SUN5: variants seen among roughly 807,000 people sequenced by gnomAD.
SUN5 encodes SUN domain-containing protein 5.
SUN5 carries 44 observed loss-of-function variants against 53.7 expected under a neutral mutation model. The ratio of observed to expected loss-of-function variants is 0.82; its 90% confidence interval spans 0.64 to 1.05. The LOEUF (loss-of-function observed/expected upper bound fraction) is 1.05, where lower values mean the gene tolerates loss of function less well. SUN5 is among the 50% of genes least tolerant of loss of function. The pLI is 0.00. For synonymous variants in SUN5, 166 were observed against 179.8 expected (o/e 0.92, Z 0.62); for missense variants, 433 against 483.8 (o/e 0.90, Z 0.98).
At chr20:32,987,830 G>A in intron 9 of SUN5, 55 bp from the exon 10 acceptor site, 1 of 1,433,222 alleles carries the variant, frequency 7.0e-7, no homozygotes, top group Admixed American at 1.9e-5. Flanking sequence ...CTGGTGGAGG[G>A]GACGCCACTG....
chr20:32,984,534 CTG>C (rs1483391219), intron 12 of SUN5, among the ~76,000 whole-genome samples: 1 of 152,220 alleles, frequency 6.6e-6, no homozygotes, highest in East Asian at 1.9e-4. Flanking sequence ...AAGGGGAAAA[CTG>C]AGGCTCCAGA....
In SUN5 at chr20:32,999,556, C is replaced by A. The variant is rs142712295; in HGVS notation, c.340+518G>T. ...GCAGTGAGCCGAGGTTGCGCCACTG[C>A]ACTCCAGCTTGGCAACAGAGTGAGA... On this transcript the variant is annotated intron_variant, in intron 5 of 12. Transcript: ENST00000356173. Among the ~76,000 whole-genome samples the A allele has an allele frequency of 5.6e-4, 86 of 152,328 alleles. No homozygotes were observed. The East Asian group carries it at 0.016, about 29-fold the overall frequency.
In SUN5 at chr20:32,989,048, C is replaced by T. The variant is rs148878673; in HGVS notation, c.613+572G>A. ...TTACCCCATTCTCCTACCTCAGCCT[C>T]CCGAGTAGCTGGGACTACAGGCGCC... is the stretch of plus-strand genomic sequence containing the variant. On this transcript the variant is annotated intron_variant, in intron 9 of 12. Transcript: ENST00000356173. Among the ~76,000 whole-genome samples the T allele has an allele frequency of 6.6e-3, 1,000 of 152,266 alleles. 10 individuals carry two copies. Among genetic ancestry groups the T allele is most frequent in the African/African-American group, 0.021 (857 of 41,532 alleles).
intron 8 of SUN5, among the ~76,000 whole-genome samples, chr20:32,993,999 G>A (rs1781506846): frequency 2.0e-5 from 3 of 152,206 alleles, no homozygotes; most frequent in Admixed American, 6.5e-5. Context: ...GTTTGCTCCT[G>A]GCGGAGAAGG....
rs562378771 is a variant in SUN5 at position 32,987,751 on chromosome 20, G to A, written c.638C>T (p.Thr213Met). 3.3e-5 allele frequency: 54 copies of A among 1,613,156 alleles called. No homozygotes were observed. The South Asian group carries it at 3.8e-4, about 11-fold the overall frequency. ...SIGASIDFEH[T>M]SVTYNHEKAH... The stretch of plus-strand genomic sequence containing the variant: ...CTTCTCATGGTTATAGGTGACTGAC[G>A]TGTGCTCAAAGTCAATGCTGGCCCC... The change falls in exon 10 of 13, where the codon ACG (threonine) becomes ATG (methionine). Residue 213 changes from threonine to methionine, a missense_variant. By Grantham distance (81) the Thr-to-Met change is moderately conservative. Transcript: ENST00000356173.
intron 8 of SUN5, among the ~76,000 whole-genome samples, chr20:32,991,659 C>T (rs6057691): frequency 0.34 from 52,377 of 152,040 alleles, 9,711 homozygotes; most frequent in East Asian, 0.79. Flanking sequence ...TCTGTCTGAA[C>T]AGAGCTTAGA....
chr20:32,992,124 G>A (rs1344271792), intron 8 of SUN5, among the ~76,000 whole-genome samples: 2 of 152,192 alleles, frequency 1.3e-5, no homozygotes, highest in Non-Finnish European at 2.9e-5. Context: ...AGTGGCCCTG[G>A]AGACAGCAGC....
At chr20:33,003,925 C>T (rs1432413360) in intron 1 of SUN5, among the ~76,000 whole-genome samples, 4 of 143,046 alleles carry the variant, frequency 2.8e-5, no homozygotes, top group South Asian at 2.2e-4. Context: ...ATAAAGATGG[C>T]GAAATACTTG....
Position 32,989,700 on chromosome 20 carries a change from T to G in SUN5, c.535-2A>C. ...CATTATTTTCTGGGCCATTTTTTGC[T>G]GAAAAGGCAGAAAACACAAGTTGTG... On this transcript the variant is annotated splice_acceptor_variant, in intron 8 of 12. Transcript: ENST00000356173. LOFTEE classifies it high-confidence loss of function. 1.9e-6 allele frequency: 3 copies of G among 1,613,908 alleles called. No homozygotes were observed. The highest frequency in any genetic ancestry group is 2.5e-6 in the Non-Finnish European group (3 of 1,179,870).
chr20:32,987,609 C>A, intron 10 of SUN5, 51 bp downstream of exon 10: 1 of 1,500,538 alleles, frequency 6.7e-7, no homozygotes, highest in Non-Finnish European at 9.1e-7. Context: ...TCCCCAAACC[C>A]TGCCCGGACC....
intron 10 of SUN5, among the ~76,000 whole-genome samples, chr20:32,986,879 C>T (rs1300652564): frequency 1.3e-5 from 2 of 152,176 alleles, no homozygotes; most frequent in African/African-American, 4.8e-5. Context: ...CCCCTGCGTT[C>T]TATCTGCCTG....
chr20:32,986,379 A>AGCACCACGATCTCCT (rs1989539873), intron 10 of SUN5, among the ~76,000 whole-genome samples: 1 of 152,182 alleles, frequency 6.6e-6, no homozygotes, highest in African/African-American at 2.4e-5. Flanking sequence ...CTTGCCATTA[A>AGCACCACGATCTCCT]GCACCACGAT....
intron 5 of SUN5, among the ~76,000 whole-genome samples, chr20:32,998,905 C>G (rs1458521529): frequency 6.6e-6 from 1 of 151,876 alleles, no homozygotes; most frequent in Non-Finnish European, 1.5e-5. Flanking sequence ...GGTGATGGTG[C>G]ACGCTTATAG....
intron 9 of SUN5, among the ~76,000 whole-genome samples, chr20:32,988,315 C>A (rs1430233538): frequency 6.6e-6 from 1 of 152,202 alleles, no homozygotes; most frequent in Non-Finnish European, 1.5e-5. Context: ...GACCCCGCGT[C>A]TCACTGATCC....
intron 8 of SUN5, 75 bp downstream of exon 8, chr20:32,995,544 A>G: frequency 2.3e-6 from 3 of 1,279,540 alleles, no homozygotes; most frequent in East Asian, 4.7e-5. Context: ...CCAAGAAAGA[A>G]CACTTGAGGT....
intron 5 of SUN5, among the ~76,000 whole-genome samples, chr20:32,999,321 A>T (rs4911281): frequency 1.3e-5 from 2 of 151,838 alleles, no homozygotes; most frequent in South Asian, 4.1e-4. Flanking sequence ...TAGGCTGGGC[A>T]CGATGGCTCA....
At position 32,995,715 on chromosome 20, in the gene SUN5, C is replaced by T; in HGVS notation, c.438G>A (p.Glu146=). ...GPLQSLRLYQ[E]KVRHHSGEIQ... ...TTTCCCCACTGTGATGTCGCACCTT[C>T]TCCTGGTACAACCTTATCAGGAAGG... is the stretch of plus-strand genomic sequence containing the variant. The change falls in exon 8 of 13, where the codon GAG becomes GAA. Residue 146 remains glutamate, a synonymous_variant. Coordinates refer to ENST00000356173, the MANE Select transcript of SUN5 (RefSeq NM_080675.4). 9 of 1,614,090 alleles carry T rather than the reference C, an allele frequency of 5.6e-6. No homozygotes were observed. The highest frequency in any genetic ancestry group is 7.6e-6 in the Non-Finnish European group (9 of 1,179,994).
intron 5 of SUN5, among the ~76,000 whole-genome samples, chr20:32,998,383 G>T (rs1374115436): frequency 6.6e-6 from 1 of 151,900 alleles, no homozygotes; most frequent in African/African-American, 2.4e-5. Flanking sequence ...CAGCAGAATC[G>T]CTTGAACCCG....
At chr20:33,002,545 A>C in intron 3 of SUN5, 42 bp downstream of exon 3, 1 of 1,602,992 alleles carries the variant, frequency 6.2e-7, no homozygotes, top group Non-Finnish European at 8.5e-7. Flanking sequence ...CTCTCCCCAG[A>C]CCCATATTGA....
Sources: allele counts gnomAD v4.1 joint callset (sites outside exome capture counted in the v4.1 genomes callset), GRCh38; gene constraint gnomAD v4.1.1; transcripts MANE v1.5; gene names NCBI Gene and HGNC (gene_info 2026-07-23, HGNC 2026-07-21).